Variants in TMEM245 observed in about 807,000 individuals in gnomAD.
The protein encoded by TMEM245 is protein CG-2.
TMEM245 carries 69 observed loss-of-function variants against 101.2 expected under a neutral mutation model. The ratio of observed to expected loss-of-function variants is 0.68; its 90% CI spans 0.56 to 0.83. TMEM245 has a LOEUF of 0.83. TMEM245 is among the 40% of genes least tolerant of loss of function. The probability of loss-of-function intolerance (pLI) is 0.00; values close to 1 mark genes in which losing one functional copy is unlikely to be tolerated. For synonymous variants in TMEM245, 537 were observed against 449.8 expected, an observed-to-expected ratio of 1.19 and a Z score of -2.45; for missense variants, 1,075 against 1,092.8, an observed-to-expected ratio of 0.98 and a Z score of 0.23.
intron 15 of TMEM245, 140 bp from the exon 16 acceptor site, chr9:109,036,520 G>A (rs1432600915): frequency 3.9e-5 from 31 of 798,708 alleles, no homozygotes; most frequent in Non-Finnish European, 5.6e-5. Flanking sequence ...TTAGGGAAAT[G>A]ATATGCCCTA....
chr9:109,082,016 A>AC (rs1248446344), intron 7 of TMEM245, among the ~76,000 whole-genome samples: 12 of 152,318 alleles, frequency 7.9e-5, no homozygotes, highest in African/African-American at 2.9e-4. Flanking sequence ...GCACTGCTCA[A>AC]CCCCAAGGTG....
intron 17 of TMEM245, among the ~76,000 whole-genome samples, chr9:109,030,730 C>T (rs1019549156): frequency 4.6e-5 from 7 of 152,162 alleles, no homozygotes; most frequent in African/African-American, 1.4e-4. Context: ...AAGCACCTCT[C>T]CTTTTATTCT....
At chr9:109,038,186 T>G (rs899931611) in intron 14 of TMEM245, 69 bp from the exon 15 acceptor site, 1 of 1,196,852 alleles carries the variant, frequency 8.4e-7, no homozygotes, top group South Asian at 1.5e-5. Flanking sequence ...AAAAATCACG[T>G]GACCACTTGA....
chr9:109,060,578 C>A, intron 10 of TMEM245, 126 bp from the exon 11 acceptor site: 1 of 619,674 alleles, frequency 1.6e-6, no homozygotes, highest in East Asian at 2.9e-5. Flanking sequence ...TTATCTCTAG[C>A]CATATTACGT....
Position 109,119,872 on chromosome 9 carries a change from C to A in TMEM245, c.42G>T (p.Arg14=). The part of the protein sequence containing the change: ...GGGPKDAPSL[R]SSPGPAPRVP... ...CCCGCGGCGCCGGCCCGGGAGAGCT[C>A]CGCAGGCTTGGCGCGTCCTTAGGGC... Residue 14 remains arginine (R), a synonymous_variant, in exon 1 of 18, where the codon CGG becomes CGT. Transcript: ENST00000374586. The A allele has an allele frequency of 7.6e-7, 1 of 1,315,402 alleles. No homozygotes were observed. The highest frequency in any genetic ancestry group is 9.6e-7 in the Non-Finnish European group (1 of 1,041,648). 81.5% of individuals were successfully genotyped at this position (1,315,402 alleles called of 1,614,324 possible).
At position 109,018,191 on chromosome 9, in the gene TMEM245, T is replaced by C. The variant is rs528118580; in HGVS notation, c.*2269A>G. 1 of 152,384 alleles carries C rather than the reference T, an allele frequency of 6.6e-6. No homozygotes were observed. Among genetic ancestry groups the C allele is most frequent in the South Asian group, 2.1e-4 (1 of 4,834 alleles). 9.4% of individuals were successfully genotyped at this position (152,384 alleles called of 1,614,324 possible). ...TGTATATGTATAGTAACTCATTGTA[T>C]ATATTTGTCTCTTATGAATATGTGC... On this transcript the variant is annotated 3_prime_UTR_variant, in exon 18 of 18. Transcript: ENST00000374586.
intron 9 of TMEM245, among the ~76,000 whole-genome samples, chr9:109,065,266 C>T (rs1042087752): frequency 1.3e-5 from 2 of 152,174 alleles, no homozygotes; most frequent in African/African-American, 4.8e-5. Context: ...GTCCACAAAC[C>T]AGCAGCATCA....
rs1421075577 is a variant in TMEM245, at chr9:109,015,194, C to T, written c.*5266G>A. Reference sequence around the variant, plus strand: ...ATTTTATTTCAAAATATAAATATTTCACATTAATAAAGAAGTTACATCAGT... The same window carrying T: ...ATTTTATTTCAAAATATAAATATTTTACATTAATAAAGAAGTTACATCAGT... On this transcript the variant is annotated 3_prime_UTR_variant, in exon 18 of 18. Transcript: ENST00000374586. 1 of 152,016 alleles carries T rather than the reference C, an allele frequency of 6.6e-6. No homozygotes were observed. The highest frequency in any genetic ancestry group is 1.9e-4 in the East Asian group (1 of 5,182). The allele number at this position is 152,016 out of a possible 1,614,324, so 9.4% of individuals were successfully genotyped here. A position where few individuals can be genotyped will look rare whatever the true frequency, so the allele number is the denominator to read the frequency against.
At chr9:109,106,254 T>G (rs1372896482) in intron 3 of TMEM245, among the ~76,000 whole-genome samples, 1 of 151,562 alleles carries the variant, frequency 6.6e-6, no homozygotes, top group African/African-American at 2.4e-5. Flanking sequence ...TTTTATTTTA[T>G]AAAAATAAAA....
chr9:109,059,993 A>C (rs952562023), intron 11 of TMEM245, among the ~76,000 whole-genome samples: 4 of 152,176 alleles, frequency 2.6e-5, no homozygotes, highest in African/African-American at 9.6e-5. Flanking sequence ...ATATTGGGTT[A>C]AATAAAATAT....
At chr9:109,119,245 G>A (rs1194593886) in intron 1 of TMEM245, 90 bp downstream of exon 1, 4 of 1,264,556 alleles carry the variant, frequency 3.2e-6, no homozygotes, top group South Asian at 1.5e-5. Context: ...GCCCCTCGTC[G>A]CCCCTGCACC....
rs1485372491 is a variant in TMEM245, at chr9:109,017,052, G to A, written c.*3408C>T. 6.6e-6 allele frequency: 1 copy of A among 152,130 alleles called. No homozygotes were observed. Among genetic ancestry groups the A allele is most frequent in the African/African-American group, 2.4e-5 (1 of 41,416 alleles). 9.4% of individuals were successfully genotyped at this position (152,130 alleles called of 1,614,324 possible). On this transcript the variant is annotated 3_prime_UTR_variant, in exon 18 of 18. Transcript: ENST00000374586. Reference sequence around the variant, plus strand: ...ATTTCTGAGTATTGCTTGACCAGTAGTGACACATTCCTGAGGCACTAATAT... The same window carrying A: ...ATTTCTGAGTATTGCTTGACCAGTAATGACACATTCCTGAGGCACTAATAT...
At chr9:109,039,947 A>T (rs956745591) in intron 14 of TMEM245, among the ~76,000 whole-genome samples, 2 of 152,196 alleles carry the variant, frequency 1.3e-5, no homozygotes, top group African/African-American at 4.8e-5. Context: ...TATTTAAAAA[A>T]TTTAAGCCAA....
intron 3 of TMEM245, among the ~76,000 whole-genome samples, chr9:109,099,207 G>C (rs947509832): frequency 2.0e-5 from 3 of 152,230 alleles, no homozygotes; most frequent in South Asian, 2.1e-4. Flanking sequence ...CTAGTATCAC[G>C]TCACAAGGGC....
intron 1 of TMEM245, among the ~76,000 whole-genome samples, chr9:109,114,940 C>T (rs1268660320): frequency 2.6e-5 from 4 of 152,128 alleles, no homozygotes; most frequent in African/African-American, 9.7e-5. Flanking sequence ...TTACTCATCC[C>T]ATAAATGATT....
At chr9:109,117,738 T>G (rs1830764374) in intron 1 of TMEM245, among the ~76,000 whole-genome samples, 1 of 152,252 alleles carries the variant, frequency 6.6e-6, no homozygotes, top group Non-Finnish European at 1.5e-5. Flanking sequence ...GGCCTTTCTT[T>G]TCTACTTTCC....
rs185180478 is a variant in TMEM245, at chr9:109,044,127, C to T, written c.2124-6010G>A. ...TCTTGATCTTCATCCTTTATAAATCCTAGGATGAAACTTACTTTTTCACAC... is the reference window on the plus strand; with the variant it reads ...TCTTGATCTTCATCCTTTATAAATCTTAGGATGAAACTTACTTTTTCACAC... On this transcript the variant is annotated intron_variant, in intron 14 of 17. Coordinates refer to ENST00000374586, the MANE Select transcript of TMEM245 (RefSeq NM_032012.4). 4.1e-4 allele frequency among the ~76,000 whole-genome samples: 62 copies of T among 152,236 alleles called. No homozygotes were observed. The East Asian group carries it at 0.011, about 27-fold the overall frequency.
chr9:109,049,819 G>T (rs1449540058), intron 14 of TMEM245, among the ~76,000 whole-genome samples: 1 of 152,042 alleles, frequency 6.6e-6, no homozygotes, highest in Admixed American at 6.5e-5. Flanking sequence ...CAAAGAAACA[G>T]GATCTTGCTC....
intron 9 of TMEM245, among the ~76,000 whole-genome samples, chr9:109,066,537 A>C (rs1829174373): frequency 6.6e-6 from 1 of 151,630 alleles, no homozygotes; most frequent in South Asian, 2.1e-4. Context: ...AATAATTTAC[A>C]GTATAAGCAT....
Sources: gnomAD v4.1 joint callset for allele counts (sites outside exome capture counted in the v4.1 genomes callset) on GRCh38, gnomAD v4.1.1 for gene constraint, MANE v1.5 for transcripts, NCBI Gene and HGNC (gene_info 2026-07-23, HGNC 2026-07-21) for gene names.